MYO18A: variants seen among roughly 807,000 people sequenced by gnomAD.
MYO18A encodes myosin XVIIIA.
MYO18A carries 78 observed loss-of-function variants against 235.8 expected under a neutral mutation model. That is an observed-to-expected ratio of 0.33 (90% CI 0.28 to 0.40). The LOEUF is 0.40. Among genes scored for constraint, MYO18A ranks in the 10% least tolerant of loss-of-function variants. MYO18A has a pLI of 1.00. For synonymous variants in MYO18A, 977 were observed against 1,077.8 expected (o/e 0.91, Z 1.83); for missense variants, 2,215 against 2,699.3 (o/e 0.82, Z 3.98).
chr17:29,177,529 A>G (rs936680073), intron 1 of MYO18A, among the ~76,000 whole-genome samples: 1 of 152,092 alleles, frequency 6.6e-6, no homozygotes, highest in African/African-American at 2.4e-5. Flanking sequence ...GCACCTCCCC[A>G]ACTCCTCTAA....
intron 40 of MYO18A, among the ~76,000 whole-genome samples, chr17:29,083,532 G>GCGCGCA (rs796363036): frequency 5.5e-5 from 8 of 144,748 alleles, no homozygotes; most frequent in African/African-American, 1.8e-4. Context: ...GCGCGCGCGC[G>GCGCGCA]CACACACACA....
intron 40 of MYO18A, among the ~76,000 whole-genome samples, chr17:29,085,339 G>A (rs541140222): frequency 2.0e-5 from 3 of 152,352 alleles, no homozygotes; most frequent in Admixed American, 6.5e-5. Flanking sequence ...AATAGGCTGC[G>A]CTTTCCTTTC....
In MYO18A at chr17:29,121,009, T is replaced by A. The variant is rs368130982; in HGVS notation, c.1574A>T (p.Lys525Met). The change falls in exon 6 of 42, where the codon AAG (lysine) becomes ATG (methionine). Residue 525 changes from lysine (K) to methionine (M), a missense_variant. Coordinates refer to ENST00000527372, the MANE Select transcript of MYO18A (RefSeq NM_078471.4). This position sits in a 1 kb window ranked among gnomAD's most constrained non-coding sequence, Gnocchi z 4.2. The part of the protein sequence containing the change: ...LATIAGISGN[K>M]VFSVEKWQAL... ...TGTCCCTGCCTCACCAGAAAACACC[T>A]TGTTCCCGCTGATGCCCGCGATGGT... The A allele has an allele frequency of 2.5e-6, 4 of 1,611,000 alleles. No homozygotes were observed. In the African/African-American group the frequency reaches 5.3e-5, roughly 22 times the overall value.
chr17:29,165,634 CT>C (rs1371118858), intron 2 of MYO18A: 2 of 347,582 alleles, frequency 5.8e-6, no homozygotes, highest in Non-Finnish European at 1.1e-5. Context: ...CCTTTGGGGA[CT>C]TGTCCTCAGC....
chr17:29,127,238 C>A (rs751088674), intron 2 of MYO18A, among the ~76,000 whole-genome samples: 1 of 152,278 alleles, frequency 6.6e-6, no homozygotes, highest in South Asian at 2.1e-4. Flanking sequence ...ATCCTCTATG[C>A]CCCTGTAGTG....
intron 40 of MYO18A, among the ~76,000 whole-genome samples, chr17:29,083,425 G>A (rs1329381240): frequency 1.3e-5 from 2 of 151,318 alleles, no homozygotes; most frequent in South Asian, 2.1e-4. Flanking sequence ...GATAGGCTAG[G>A]GTTTCTCCTC....
chr17:29,118,249 C>T lies in MYO18A; in HGVS notation c.1894-60G>A. 4.5e-6 allele frequency: 7 copies of T among 1,567,770 alleles called. No individual in the cohort carries two copies. The highest frequency in any genetic ancestry group is 4.3e-6 in the Non-Finnish European group (5 of 1,153,296). ...CCCAGCACACCCCCATGAGGCTGGG[C>T]CCTCAGGGCAAGGCTTGGGTAGAGC... is the stretch of plus-strand genomic sequence containing the variant. On this transcript the variant is annotated intron_variant, in intron 9 of 41. Coordinates refer to ENST00000527372, the MANE Select transcript of MYO18A (RefSeq NM_078471.4). The surrounding 1 kb of genome is among the most constrained non-coding windows in gnomAD (Gnocchi z 4.2).
chr17:29,098,460 A>C lies in MYO18A; in HGVS notation c.3781-15T>G. 6.2e-7 allele frequency: 1 copy of C among 1,613,574 alleles called. No homozygotes were observed. The highest frequency in any genetic ancestry group is 8.5e-7 in the Non-Finnish European group (1 of 1,179,746). On this transcript the variant is annotated splice_polypyrimidine_tract_variant and intron_variant, in intron 23 of 41. Transcript: ENST00000527372. ...TGGATCTCCTCCTAGGGTGGACCAA[A>C]GAGGGCAAAGTGAGCCAAAGGCACT...
chr17:29,115,078 G>A lies in MYO18A; in HGVS notation c.2340C>T (p.His780=). The change falls in exon 14 of 42, where the codon CAC becomes CAT. Residue 780 remains histidine (H), a synonymous_variant. Coordinates refer to ENST00000527372, the MANE Select transcript of MYO18A (RefSeq NM_078471.4). ...CGACAATCATCATGGAGCAGAGTGA[G>A]TGCTGGCTGGACTTGAGAGCCCTGG... is the stretch of plus-strand genomic sequence containing the variant. ...LVNRALKSSQ[H]SLCSMMIVDT... is the part of the protein sequence containing the mutation. The A allele has an allele frequency of 1.9e-6, 3 of 1,613,582 alleles. No homozygotes were observed. The highest frequency in any genetic ancestry group is 1.7e-5 in the Admixed American group (1 of 59,986).
rs751386187 is a variant in MYO18A at position 29,115,835 on chromosome 17, G to A, written c.2056C>T (p.Arg686Cys). ...CACTCATGGCGGGCAAACTGCTTGC[G>A]CCCAGCTGTGGAGTGGAAAAAGGGA... ...GATKEAAEAGRKQFARHEWAQ... is the reference protein window; with the variant it reads ...GATKEAAEAGCKQFARHEWAQ... The change falls in exon 12 of 42, where the codon CGC becomes TGC. Residue 686 changes from arginine to cysteine, a missense_variant. Physicochemically the swap from Arg to Cys is radical, Grantham distance 180 (BLOSUM62 -3). Coordinates refer to ENST00000527372, the MANE Select transcript of MYO18A (RefSeq NM_078471.4). 10 of 1,576,110 alleles carry A rather than the reference G, an allele frequency of 6.3e-6. No homozygotes were observed. Among genetic ancestry groups the A allele is most frequent in the Admixed American group, 1.8e-5 (1 of 54,072 alleles).
chr17:29,145,161 C>T (rs575220665), intron 2 of MYO18A, among the ~76,000 whole-genome samples: 4 of 152,208 alleles, frequency 2.6e-5, no homozygotes, highest in Non-Finnish European at 5.9e-5. Flanking sequence ...CCCTGGAGAG[C>T]TGGGACCATT....
In MYO18A at chr17:29,166,571, A is replaced by C; in HGVS notation, c.370T>G (p.Phe124Val). 6.2e-7 allele frequency: 1 copy of C among 1,613,828 alleles called. No individual in the cohort carries two copies. The highest frequency in any genetic ancestry group is 2.2e-5 in the East Asian group (1 of 44,888). ...RGSVLQRAAK[F>V]GSLAKQNSQM... Reference sequence around the variant, plus strand: ...GAGTTCTGCTTGGCCAGTGAGCCGAACTTGGCTGCCCGCTGCAGCACCGAG... The same window carrying C: ...GAGTTCTGCTTGGCCAGTGAGCCGACCTTGGCTGCCCGCTGCAGCACCGAG... Residue 124 changes from phenylalanine to valine, a missense_variant, in exon 2 of 42, where the codon TTC (phenylalanine) becomes GTC (valine). Phe to Val is a conservative substitution (Grantham distance 50, BLOSUM62 -1). Coordinates refer to ENST00000527372, the MANE Select transcript of MYO18A (RefSeq NM_078471.4).
intron 19 of MYO18A, 147 bp from the exon 20 acceptor site, chr17:29,107,336 A>T: frequency 1.4e-6 from 1 of 698,632 alleles, no homozygotes; most frequent in East Asian, 2.7e-5. Context: ...AGGCAGGCCT[A>T]GAAAGGAGAG....
At chr17:29,159,098 C>T (rs990600626) in intron 2 of MYO18A, among the ~76,000 whole-genome samples, 4 of 152,166 alleles carry the variant, frequency 2.6e-5, no homozygotes, top group Non-Finnish European at 5.9e-5. Context: ...ACTGTGCCCA[C>T]CACCCACAGG....
intron 15 of MYO18A, among the ~76,000 whole-genome samples, chr17:29,113,712 G>A (rs1044219483): frequency 4.6e-5 from 7 of 152,222 alleles, no homozygotes; most frequent in Non-Finnish European, 5.9e-5. Context: ...GCTGGGGCCC[G>A]AGCCTCAGCT....
chr17:29,114,794 G>C (rs1249454110), intron 14 of MYO18A, 113 bp downstream of exon 14: 13 of 1,151,584 alleles, frequency 1.1e-5, no homozygotes, highest in Non-Finnish European at 1.6e-5. Context: ...TCCAGAGAGC[G>C]CAGGAGGACA....
chr17:29,136,559 T>C (rs2067608690), intron 2 of MYO18A, among the ~76,000 whole-genome samples: 2 of 152,178 alleles, frequency 1.3e-5, no homozygotes, highest in Admixed American at 1.3e-4. Context: ...ATATTGAACA[T>C]TTATTTTCTA....
At chr17:29,122,507 T>A (rs1243119592) in intron 2 of MYO18A, among the ~76,000 whole-genome samples, 1 of 151,946 alleles carries the variant, frequency 6.6e-6, no homozygotes, top group African/African-American at 2.4e-5. Flanking sequence ...TCAGTGAGGG[T>A]CTGGCAAGAC....
rs370430053 is a variant in MYO18A, at chr17:29,092,352, G to A, written c.5178C>T (p.Ala1726=). 1.9e-6 allele frequency: 3 copies of A among 1,610,168 alleles called. No homozygotes were observed. Among genetic ancestry groups the A allele is most frequent in the Non-Finnish European group, 1.7e-6 (2 of 1,179,648 alleles). ...CACCTTGGCCCCTCACCGCTGTCTT[G>A]GCTTTGGCGATGTCATCAATCTGCA... ...LHLQIDDIAK[A]KTALEEQLSR... Residue 1726 remains alanine (A), a synonymous_variant, in exon 34 of 42, where the codon GCC becomes GCT. Transcript: ENST00000527372.
Sources: allele counts gnomAD v4.1 joint callset (sites outside exome capture counted in the v4.1 genomes callset), GRCh38; gene constraint gnomAD v4.1.1; non-coding constraint Gnocchi (gnomAD v3.1); transcripts MANE v1.5; gene names NCBI Gene and HGNC (gene_info 2026-07-23, HGNC 2026-07-21).